BABAM2: variants seen among roughly 807,000 people sequenced by gnomAD.
BABAM2 encodes BRISC and BRCA1-A complex member 2.
BABAM2 carries 31 observed loss-of-function variants against 54.7 expected under a neutral mutation model. The ratio of observed to expected loss-of-function variants is 0.57; its 90% CI spans 0.43 to 0.77. The LOEUF is 0.77. BABAM2 is among the 30% of genes least tolerant of loss of function. The pLI is 0.00. For synonymous variants in BABAM2, 167 were observed against 162.9 expected, an observed-to-expected ratio of 1.03 and a Z score of -0.19; for missense variants, 364 against 455.8, an observed-to-expected ratio of 0.80 and a Z score of 1.83.
chr2:27,935,908 G>T (rs1668450854), intron 3 of BABAM2, among the ~76,000 whole-genome samples: 1 of 152,016 alleles, frequency 6.6e-6, no homozygotes, highest in South Asian at 2.1e-4. Flanking sequence ...ATTCTTATTT[G>T]TATTTTTATT....
intron 11 of BABAM2, among the ~76,000 whole-genome samples, chr2:28,315,984 T>G (rs1689520845): frequency 6.6e-6 from 1 of 152,146 alleles, no homozygotes; most frequent in Non-Finnish European, 1.5e-5. Flanking sequence ...GCCGCCTCCA[T>G]GTCCAGGGCT....
chr2:28,067,261 T>A (rs1663688004), intron 6 of BABAM2, among the ~76,000 whole-genome samples: 1 of 152,174 alleles, frequency 6.6e-6, no homozygotes, highest in Admixed American at 6.5e-5. Flanking sequence ...ACCACACAGG[T>A]ATTAGGTAGG....
At chr2:28,011,776 A>G (rs889439479) in intron 4 of BABAM2, among the ~76,000 whole-genome samples, 1 of 152,176 alleles carries the variant, frequency 6.6e-6, no homozygotes, top group African/African-American at 2.4e-5. Context: ...TGTGATTATC[A>G]TAGTCAGAAG....
chr2:28,258,548 T>C (rs1684165837), intron 10 of BABAM2, among the ~76,000 whole-genome samples: 1 of 152,110 alleles, frequency 6.6e-6, no homozygotes, highest in Admixed American at 6.5e-5. Context: ...TCTTTTCCTA[T>C]GCTTATCTGC....
At chr2:28,275,891 C>T (rs887810760) in intron 10 of BABAM2, among the ~76,000 whole-genome samples, 1 of 151,872 alleles carries the variant, frequency 6.6e-6, no homozygotes, top group African/African-American at 2.4e-5. Context: ...CAAAGAATTC[C>T]TTCCTCCAGC....
chr2:28,136,766 A>G (rs1670582944), intron 7 of BABAM2, among the ~76,000 whole-genome samples: 1 of 152,138 alleles, frequency 6.6e-6, no homozygotes, highest in Non-Finnish European at 1.5e-5. Flanking sequence ...CCTGGCAGCA[A>G]ACATGGTCTC....
intron 3 of BABAM2, among the ~76,000 whole-genome samples, chr2:27,955,689 A>G (rs1670033378): frequency 6.6e-6 from 1 of 152,148 alleles, no homozygotes; most frequent in Non-Finnish European, 1.5e-5. Context: ...AACATGGCCT[A>G]ATTTCTTCTC....
At chr2:27,967,891 A>T in intron 3 of BABAM2, among the ~76,000 whole-genome samples, 1 of 152,238 alleles carries the variant, frequency 6.6e-6, no homozygotes. Flanking sequence ...TTCCAGCGGA[A>T]GAAATTTCTA....
chr2:28,317,079 G>A (rs11891583), intron 11 of BABAM2, among the ~76,000 whole-genome samples: 17,321 of 152,066 alleles, frequency 0.11, 3,118 homozygotes, highest in African/African-American at 0.38. Flanking sequence ...CGGCACTGCC[G>A]TGCTCAGCTT....
chr2:28,257,246 A>G (rs374962851), intron 10 of BABAM2, among the ~76,000 whole-genome samples: 1 of 152,180 alleles, frequency 6.6e-6, no homozygotes, highest in African/African-American at 2.4e-5. Context: ...TTAAGTGAAC[A>G]CTTAAATTTT....
At chr2:28,228,721 GT>G (rs1336108840) in intron 7 of BABAM2, among the ~76,000 whole-genome samples, 44 of 152,228 alleles carry the variant, frequency 2.9e-4, no homozygotes, top group Non-Finnish European at 4.4e-5. Flanking sequence ...ATCATTACAA[GT>G]AGTTCATACC....
intron 10 of BABAM2, among the ~76,000 whole-genome samples, chr2:28,296,774 G>A (rs527910192): frequency 1.3e-5 from 2 of 152,230 alleles, no homozygotes; most frequent in East Asian, 1.9e-4. Context: ...TGCAGCATCC[G>A]CCTCCCGGAT....
intron 11 of BABAM2, among the ~76,000 whole-genome samples, chr2:28,299,877 C>T (rs745802502): frequency 6.6e-6 from 1 of 152,106 alleles, no homozygotes; most frequent in Non-Finnish European, 1.5e-5. Flanking sequence ...CCTGACCTCA[C>T]CTATATTTTT....
At chr2:28,152,139 T>G (rs1672113470) in intron 7 of BABAM2, among the ~76,000 whole-genome samples, 1 of 152,140 alleles carries the variant, frequency 6.6e-6, no homozygotes, top group Non-Finnish European at 1.5e-5. Flanking sequence ...CCCTTTTCTA[T>G]CCCCCAAAGA....
chr2:28,089,002 A>G (rs1665920760), intron 6 of BABAM2, among the ~76,000 whole-genome samples: 2 of 152,144 alleles, frequency 1.3e-5, no homozygotes, highest in East Asian at 3.9e-4. Flanking sequence ...TGGCCTAGTA[A>G]CTTACCAAAA....
At chr2:28,140,655 C>G (rs531534410) in intron 7 of BABAM2, among the ~76,000 whole-genome samples, 23 of 151,986 alleles carry the variant, frequency 1.5e-4, no homozygotes, top group African/African-American at 5.3e-4. Flanking sequence ...TTTTTAATCA[C>G]AACAGTATAA....
intron 6 of BABAM2, among the ~76,000 whole-genome samples, chr2:28,125,651 A>G (rs979909560): frequency 9.9e-5 from 15 of 152,204 alleles, no homozygotes; most frequent in African/African-American, 3.6e-4. Context: ...AAATGTTCAT[A>G]ACCTTTGACC....
At chr2:27,990,135 C>G (rs879298983) in intron 4 of BABAM2, among the ~76,000 whole-genome samples, 1 of 152,164 alleles carries the variant, frequency 6.6e-6, no homozygotes, top group African/African-American at 2.4e-5. Flanking sequence ...AGTTCATCTA[C>G]GGCCTTGGGT....
intron 11 of BABAM2, among the ~76,000 whole-genome samples, chr2:28,335,186 C>G (rs1691331528): frequency 1.0e-5 from 1 of 95,930 alleles, no homozygotes; most frequent in African/African-American, 5.1e-5. Context: ...TTTTTTGAGA[C>G]AGAGTCTGGC....
Sources: gnomAD v4.1 joint callset for allele counts (sites outside exome capture counted in the v4.1 genomes callset) on GRCh38, gnomAD v4.1.1 for gene constraint, MANE v1.5 for transcripts, NCBI Gene and HGNC (gene_info 2026-07-23, HGNC 2026-07-21) for gene names.